The following WDR33 variants were observed in gnomAD, a reference collection of about 807,000 sequenced individuals.
The protein encoded by WDR33 is pre-mRNA 3' end processing protein WDR33.
In WDR33, 47 loss-of-function variants were observed where a neutral mutation model predicts 164.9. The observed-to-expected ratio is 0.29, with a 90% confidence interval of 0.23 to 0.36. The LOEUF is 0.36. Ranked by LOEUF, WDR33 falls within the 10% of genes least tolerant of loss-of-function variation. WDR33 has a pLI of 1.00. For missense variants in WDR33, 1,137 were observed against 1,754.1 expected, an observed-to-expected ratio of 0.65 and a Z score of 6.28; for synonymous variants, 505 against 589.0, an observed-to-expected ratio of 0.86 and a Z score of 2.06.
intron 1 of WDR33, among the ~76,000 whole-genome samples, chr2:127,772,708 A>G (rs1475942718): frequency 6.6e-6 from 1 of 152,190 alleles, no homozygotes; most frequent in African/African-American, 2.4e-5. Flanking sequence ...AGGTAACATT[A>G]AGTTTATATC....
chr2:127,807,755 A>G (rs561804865), intron 1 of WDR33, among the ~76,000 whole-genome samples: 2 of 152,374 alleles, frequency 1.3e-5, no homozygotes, highest in Non-Finnish European at 2.9e-5. Flanking sequence ...TTCAATTTGT[A>G]TAATGCCTAG....
chr2:127,725,470 C>T lies in WDR33; in HGVS notation c.852-255G>A, dbSNP rs541544580. The stretch of plus-strand genomic sequence containing the variant: ...AAGCAGCAGAGGCTGGGCGTGATGG[C>T]TCACGCCTGTAATCCCAGCACTTTG... On this transcript the variant is annotated intron_variant, in intron 8 of 21. Transcript: ENST00000322313. Among the ~76,000 whole-genome samples, 3 of 152,310 alleles carry T rather than the reference C, an allele frequency of 2.0e-5. No homozygotes were observed. In the South Asian group the frequency reaches 6.2e-4, roughly 32 times the overall value.
At chr2:127,778,880 T>C (rs1485072210) in intron 1 of WDR33, among the ~76,000 whole-genome samples, 3 of 152,216 alleles carry the variant, frequency 2.0e-5, no homozygotes, top group Non-Finnish European at 4.4e-5. Context: ...TGAATTATTT[T>C]ACCATAATAG....
At chr2:127,766,430 T>C (rs1178601895) in intron 4 of WDR33, among the ~76,000 whole-genome samples, 3 of 152,216 alleles carry the variant, frequency 2.0e-5, no homozygotes, top group Non-Finnish European at 4.4e-5. Context: ...CCCCTCTTTC[T>C]AGTTTCTGTT....
rs1201664053 is a variant in WDR33 at position 127,779,975 on chromosome 2, A to ATTTT, written c.-23-8975_-23-8972dup. Among the ~76,000 whole-genome samples the ATTTT allele has an allele frequency of 1.4e-5, 2 of 142,694 alleles. 1 individual carries two copies. The highest frequency in any genetic ancestry group is 5.2e-5 in the African/African-American group (2 of 38,498). 93.6% of individuals were successfully genotyped at this position (142,694 alleles called of 152,430 possible). On this transcript the variant is annotated intron_variant, in intron 1 of 21. Coordinates refer to ENST00000322313, the MANE Select transcript of WDR33 (RefSeq NM_018383.5). The stretch of plus-strand genomic sequence containing the variant: ...TAAAAATAATAAAAAGGTTTTTTTG[A>ATTTT]TTTTTTTTTTTTTTTTGAGACGGAG...
chr2:127,804,631 T>C (rs1204135046), intron 1 of WDR33, among the ~76,000 whole-genome samples: 2 of 152,172 alleles, frequency 1.3e-5, no homozygotes, highest in Non-Finnish European at 2.9e-5. Flanking sequence ...AAAAAGTACA[T>C]AGGAGTTCTT....
Position 127,705,375 on chromosome 2 carries a change from CG to C in WDR33, c.*947del, listed in dbSNP as rs1196451364. 2 of 155,490 alleles carry C rather than the reference CG, an allele frequency of 1.3e-5. No individual in the cohort carries two copies. The highest frequency in any genetic ancestry group is 1.3e-4 in the Admixed American group (2 of 15,278). The allele number at this position is 155,490 out of a possible 1,614,324, so 9.6% of individuals were successfully genotyped here. On this transcript the variant is annotated 3_prime_UTR_variant, in exon 22 of 22. Coordinates refer to ENST00000322313, the MANE Select transcript of WDR33 (RefSeq NM_018383.5). The surrounding 1 kb of genome is among the most constrained non-coding windows in gnomAD (Gnocchi z 4.5). ...ACTGTGAGTTAGAAGTACGCCCTGCCGTAACACTGGTATTTCCACATAGTAT... is the reference window on the plus strand; with the variant it reads ...ACTGTGAGTTAGAAGTACGCCCTGCCTAACACTGGTATTTCCACATAGTAT...
intron 1 of WDR33, among the ~76,000 whole-genome samples, chr2:127,774,690 C>CGTGGT (rs1024986665): frequency 1.3e-5 from 2 of 152,008 alleles, no homozygotes; most frequent in Non-Finnish European, 2.9e-5. Flanking sequence ...ATTAGCCAGG[C>CGTGGT]GTGGTGGCGG....
chr2:127,745,779 A>G (rs1322856615), intron 7 of WDR33, among the ~76,000 whole-genome samples: 1 of 152,182 alleles, frequency 6.6e-6, no homozygotes, highest in African/African-American at 2.4e-5. Flanking sequence ...GGTATGTCTT[A>G]CACTCATCCA....
Position 127,713,539 on chromosome 2 carries a change from A to C in WDR33, c.3308+44T>G. ...ACCTTTGTGGAGACAGCAGATAAAAAGCTCCACTGAAGATGGAATGGGCCC... is the reference window on the plus strand; with the variant it reads ...ACCTTTGTGGAGACAGCAGATAAAACGCTCCACTGAAGATGGAATGGGCCC... On this transcript the variant is annotated intron_variant, in intron 18 of 21. Transcript: ENST00000322313. The surrounding 1 kb of genome is among the most constrained non-coding windows in gnomAD (Gnocchi z 6.2). 6.3e-7 allele frequency: 1 copy of C among 1,591,806 alleles called. No homozygotes were observed.
intron 1 of WDR33, among the ~76,000 whole-genome samples, chr2:127,803,493 A>C (rs887960594): frequency 6.6e-6 from 1 of 152,084 alleles, no homozygotes. Flanking sequence ...GCTTCAACCC[A>C]GGAGGCAGAG....
In WDR33 at chr2:127,719,754, C is replaced by T; in HGVS notation, c.2271G>A (p.Gly757=). ...CTTGAGACCCTGGTCCGCCTTGGAT[C>T]CCATGAGGATGAGGAGGCCCTTGCA... is the stretch of plus-strand genomic sequence containing the variant. The part of the protein sequence containing the change: ...RGMQGPPHPH[G]IQGGPGSQGI... Residue 757 remains glycine (G), a synonymous_variant, in exon 16 of 22, where the codon GGG becomes GGA. Coordinates refer to ENST00000322313, the MANE Select transcript of WDR33 (RefSeq NM_018383.5). This position sits in a 1 kb window ranked among gnomAD's most constrained non-coding sequence, Gnocchi z 6.5. 3.1e-6 allele frequency: 5 copies of T among 1,613,890 alleles called. No homozygotes were observed. Among genetic ancestry groups the T allele is most frequent in the Non-Finnish European group, 3.4e-6 (4 of 1,179,996 alleles).
At chr2:127,761,061 G>A (rs1359824946) in intron 7 of WDR33, among the ~76,000 whole-genome samples, 2 of 152,084 alleles carry the variant, frequency 1.3e-5, no homozygotes, top group Admixed American at 6.6e-5. Flanking sequence ...TACCAAAATT[G>A]AATAATGCTT....
chr2:127,786,816 G>C (rs982031326), intron 1 of WDR33, among the ~76,000 whole-genome samples: 9 of 149,312 alleles, frequency 6.0e-5, no homozygotes, highest in African/African-American at 2.2e-4. Flanking sequence ...TCTGCAAAGA[G>C]GTACAATTTT....
intron 1 of WDR33, among the ~76,000 whole-genome samples, chr2:127,779,751 G>A (rs373570562): frequency 3.9e-5 from 6 of 152,226 alleles, no homozygotes; most frequent in Admixed American, 6.5e-5. Context: ...TGTCCAGTAT[G>A]AATACTGTGG....
intron 1 of WDR33, among the ~76,000 whole-genome samples, chr2:127,810,169 T>C (rs981497603): frequency 6.6e-6 from 1 of 152,182 alleles, no homozygotes; most frequent in Admixed American, 6.5e-5. Context: ...TGCAGGCTTT[T>C]TGTTCATATT....
Position 127,709,725 on chromosome 2 carries a change from T to A in WDR33, c.3440A>T (p.Asp1147Val), listed in dbSNP as rs1427538748. The change falls in exon 19 of 22, where the codon GAT becomes GTT. Residue 1147 changes from aspartate to valine, a missense_variant. Around this residue, in one of 9 missense-constraint regions of WDR33, gnomAD observed 867 missense variants for 1,073.0 expected, o/e 0.81. Transcript: ENST00000322313. This position sits in a 1 kb window ranked among gnomAD's most constrained non-coding sequence, Gnocchi z 5.0. ...GGTACCCCGACCTCGACCTCTGAGA[T>A]CTCGTCCTCGGGCCGCTTCCTCAGA... ...DASEEAARGR[D>V]LRGRGRGTPR... 6.2e-7 allele frequency: 1 copy of A among 1,614,120 alleles called. No individual in the cohort carries two copies. Among genetic ancestry groups the A allele is most frequent in the East Asian group, 2.2e-5 (1 of 44,898 alleles).
At position 127,809,031 on chromosome 2, in the gene WDR33, CAAAAAAAAA is replaced by C. The variant is rs11305287; in HGVS notation, c.-24+1972_-24+1980del. Among the ~76,000 whole-genome samples, 7 of 84,934 alleles carry C rather than the reference CAAAAAAAAA, an allele frequency of 8.2e-5. No homozygotes were observed. In the East Asian group the frequency reaches 1.7e-3, roughly 20 times the overall value. The allele number at this position is 84,934 out of a possible 152,430, so 55.7% of individuals were successfully genotyped here. A position where few individuals can be genotyped will look rare whatever the true frequency, so the allele number is the denominator to read the frequency against. On this transcript the variant is annotated intron_variant, in intron 1 of 21. Transcript: ENST00000322313. ...GGGCGACAGAGCGAAACTCTTGTCT[CAAAAAAAAA>C]AAAAAAAAAAAAAGAATTCCAGAAA... is the stretch of plus-strand genomic sequence containing the variant.
rs1686495674 is a variant in WDR33, at chr2:127,723,740, G to A, written c.1197-393C>T. On this transcript the variant is annotated intron_variant, in intron 11 of 21. Transcript: ENST00000322313. The surrounding 1 kb of genome is among the most constrained non-coding windows in gnomAD (Gnocchi z 5.9). ...CTCACCACAGAACTCTAGTCTCGGT[G>A]ACAGAGTGAGACTCTGTCTCTTAAA... Among the ~76,000 whole-genome samples, 1 of 151,630 alleles carries A rather than the reference G, an allele frequency of 6.6e-6. No homozygotes were observed. Among genetic ancestry groups the A allele is most frequent in the South Asian group, 2.1e-4 (1 of 4,792 alleles).
Sources: gnomAD v4.1 joint callset for allele counts (sites outside exome capture counted in the v4.1 genomes callset) on GRCh38, gnomAD v4.1.1 for gene constraint, gnomAD v4.1.1 regional missense constraint, Gnocchi (gnomAD v3.1) non-coding constraint, MANE v1.5 for transcripts, NCBI Gene and HGNC (gene_info 2026-07-23, HGNC 2026-07-21) for gene names.